NPAS3: variants seen among roughly 807,000 people sequenced by gnomAD.
NPAS3 encodes neuronal PAS domain protein 3.
In NPAS3, 14 loss-of-function variants were observed where a neutral mutation model predicts 73.1. That is an observed-to-expected ratio of 0.19 (90% CI 0.13 to 0.30). NPAS3 has a LOEUF of 0.30. Among genes scored for constraint, NPAS3 ranks in the 10% least tolerant of loss-of-function variants. The pLI, the probability that NPAS3 is intolerant of heterozygous loss-of-function variation, is 1.00. For missense variants in NPAS3, 1,096 were observed against 1,250.0 expected (o/e 0.88, Z 1.86); for synonymous variants, 620 against 541.5 (o/e 1.14, Z -2.01).
chr14:33,278,442 G>C (rs2041436607), intron 3 of NPAS3, among the ~76,000 whole-genome samples: 2 of 151,668 alleles, frequency 1.3e-5, no homozygotes, highest in South Asian at 4.2e-4. Flanking sequence ...TGAGGACTTT[G>C]GGAAGATCCA....
rs138575188 is a variant in NPAS3 at position 33,745,163 on chromosome 14, C to A, written c.852+9831C>A. On this transcript the variant is annotated intron_variant, in intron 7 of 11. Coordinates refer to ENST00000356141, the Ensembl canonical transcript of NPAS3. ...ACTTAAGAGGCTGAGGCAGGAGGAT[C>A]GCTCAAGCCCAGGAGTTCGAGGCTG... Among the ~76,000 whole-genome samples the A allele has an allele frequency of 5.1e-4, 78 of 152,088 alleles. No individual in the cohort carries two copies. In the East Asian group the frequency reaches 9.9e-3, roughly 19 times the overall value.
At chr14:33,421,673 A>G (rs752200828) in intron 4 of NPAS3, among the ~76,000 whole-genome samples, 14 of 151,956 alleles carry the variant, frequency 9.2e-5, no homozygotes, top group Non-Finnish European at 1.5e-4. Context: ...GGTTTAGGCA[A>G]TATTCAAGGT....
At chr14:33,536,919 A>C (rs2140219306) in intron 4 of NPAS3, among the ~76,000 whole-genome samples, 2 of 152,198 alleles carry the variant, frequency 1.3e-5, no homozygotes, top group South Asian at 4.2e-4. Context: ...ATTTCACACA[A>C]TGTCTAGAAA....
intron 1 of NPAS3, among the ~76,000 whole-genome samples, chr14:32,974,550 A>AT (rs926925479): frequency 8.6e-5 from 13 of 151,410 alleles, no homozygotes; most frequent in East Asian, 1.9e-4. Flanking sequence ...AAGATTAGTT[A>AT]TTTTTTTTTC....
intron 5 of NPAS3, among the ~76,000 whole-genome samples, chr14:33,670,615 AC>A (rs5807738): frequency 5.1e-4 from 74 of 143,746 alleles, no homozygotes; most frequent in Non-Finnish European, 7.1e-4. Flanking sequence ...TATAAATGTG[AC>A]CCCCCCTCAA....
intron 4 of NPAS3, among the ~76,000 whole-genome samples, chr14:33,424,312 A>G (rs1282858169): frequency 6.6e-6 from 1 of 152,048 alleles, no homozygotes; most frequent in Non-Finnish European, 1.5e-5. Flanking sequence ...CTGAGAGAAC[A>G]GAAGTGCCAA....
chr14:33,205,842 A>G (rs2046800973), intron 2 of NPAS3, among the ~76,000 whole-genome samples: 1 of 152,228 alleles, frequency 6.6e-6, no homozygotes, highest in South Asian at 2.1e-4. Context: ...ATCAAGCTGG[A>G]AAGTCTTCAG....
intron 6 of NPAS3, among the ~76,000 whole-genome samples, chr14:33,715,654 C>T (rs1029550569): frequency 9.2e-5 from 14 of 152,202 alleles, no homozygotes; most frequent in Non-Finnish European, 1.8e-4. Context: ...GCCTCCATCA[C>T]AAGTCTGGGC....
intron 3 of NPAS3, among the ~76,000 whole-genome samples, chr14:33,287,390 G>A (rs561109612): frequency 6.6e-6 from 1 of 152,270 alleles, no homozygotes; most frequent in South Asian, 2.1e-4. Flanking sequence ...AGTCAGAGGA[G>A]GTGAGGCGTG....
rs546556912 is a variant in NPAS3, at chr14:33,497,476, G to A, written c.469-62645G>A. ...CTACAAGGCTACAGTAACCAAAACG[G>A]CATGGTACTGGTACCAAAAAAGATA... On this transcript the variant is annotated intron_variant, in intron 4 of 11. Transcript: ENST00000356141. Among the ~76,000 whole-genome samples the A allele has an allele frequency of 9.2e-5, 14 of 152,200 alleles. No individual in the cohort carries two copies. The South Asian group carries it at 2.9e-3, about 32-fold the overall frequency.
At chr14:33,184,056 C>T (rs1013091961) in intron 2 of NPAS3, among the ~76,000 whole-genome samples, 1 of 152,152 alleles carries the variant, frequency 6.6e-6, no homozygotes, top group South Asian at 2.1e-4. Flanking sequence ...ATTTCTCCTT[C>T]GTAGCATGGC....
chr14:33,046,838 T>C (rs1289490882), intron 1 of NPAS3, among the ~76,000 whole-genome samples: 2 of 152,052 alleles, frequency 1.3e-5, no homozygotes, highest in Non-Finnish European at 2.9e-5. Context: ...TAGCCAGGCA[T>C]GGTGGCACAT....
intron 4 of NPAS3, among the ~76,000 whole-genome samples, chr14:33,448,487 C>G (rs1015103390): frequency 2.0e-5 from 3 of 152,172 alleles, no homozygotes; most frequent in African/African-American, 7.2e-5. Context: ...GAGGGCCCAT[C>G]TAGGTGTTGA....
intron 2 of NPAS3, among the ~76,000 whole-genome samples, chr14:33,146,882 G>T (rs10131204): frequency 0.96 from 146,009 of 152,302 alleles, 70,098 homozygotes; most frequent in Non-Finnish European, 0.99. Flanking sequence ...AGCTGAAGTT[G>T]TTTCCTTCCC....
intron 3 of NPAS3, among the ~76,000 whole-genome samples, chr14:33,278,459 G>T (rs1188009758): frequency 6.6e-6 from 1 of 150,522 alleles, no homozygotes; most frequent in African/African-American, 2.5e-5. Context: ...TCCAGCCAAT[G>T]ACTTGATAGG....
intron 7 of NPAS3, among the ~76,000 whole-genome samples, chr14:33,743,962 TG>T (rs1164895827): frequency 2.6e-5 from 4 of 152,266 alleles, no homozygotes; most frequent in Non-Finnish European, 4.4e-5. Flanking sequence ...GGTCTTGCTC[TG>T]GATTAGGCTT....
rs143767323 is a variant in NPAS3, at chr14:33,184,642, A to C, written c.141-30540A>C. ...AGAAAAGATGATAGTGGCTGAGAGT[A>C]GGTAGTAGCACAGATGGAAAGAAAT... On this transcript the variant is annotated intron_variant, in intron 2 of 11. Transcript: ENST00000356141. 8.0e-3 allele frequency among the ~76,000 whole-genome samples: 1,211 copies of C among 152,256 alleles called. 4 individuals are homozygous for C. Among genetic ancestry groups the C allele is most frequent in the Middle Eastern group, 0.024 (7 of 294 alleles).
chr14:33,183,744 A>G (rs2045887560), intron 2 of NPAS3, among the ~76,000 whole-genome samples: 2 of 152,090 alleles, frequency 1.3e-5, no homozygotes, highest in Admixed American at 1.3e-4. Flanking sequence ...AAGACCTGTC[A>G]TTGCCTAAAT....
chr14:33,535,394 C>A (rs1205941705), intron 4 of NPAS3, among the ~76,000 whole-genome samples: 1 of 152,182 alleles, frequency 6.6e-6, no homozygotes, highest in African/African-American at 2.4e-5. Flanking sequence ...AGGCCCAGAG[C>A]AGATGCAAAT....
Sources: gnomAD v4.1 joint callset for allele counts (sites outside exome capture counted in the v4.1 genomes callset) on GRCh38, gnomAD v4.1.1 for gene constraint, MANE v1.5 for transcripts, NCBI Gene and HGNC (gene_info 2026-07-23, HGNC 2026-07-21) for gene names.